The following PRKG1 variants were observed in gnomAD, a reference collection of about 807,000 sequenced individuals.
PRKG1 encodes cGMP-dependent protein kinase 1.
PRKG1 carries 35 observed loss-of-function variants against 88.1 expected under a neutral mutation model. The observed-to-expected ratio is 0.40, with a 90% confidence interval of 0.30 to 0.53. The LOEUF is 0.53. PRKG1 is among the 20% of genes least tolerant of loss of function. The pLI is 0.59. For missense variants in PRKG1, 540 were observed against 839.8 expected (o/e 0.64, Z 4.41); for synonymous variants, 303 against 292.5 (o/e 1.04, Z -0.37).
chr10:51,617,210 G>A (rs748152775), intron 3 of PRKG1, among the ~76,000 whole-genome samples: 2 of 152,110 alleles, frequency 1.3e-5, no homozygotes, highest in Non-Finnish European at 2.9e-5. Flanking sequence ...CTTGCATTGA[G>A]GAGTATCTTC....
chr10:51,993,979 T>C (rs1349615279), intron 5 of PRKG1, among the ~76,000 whole-genome samples: 1 of 152,166 alleles, frequency 6.6e-6, no homozygotes. Flanking sequence ...GAGCTAACCA[T>C]CCCAGTCTAA....
chr10:51,572,649 C>T (rs531380380), intron 3 of PRKG1, among the ~76,000 whole-genome samples: 2 of 151,794 alleles, frequency 1.3e-5, no homozygotes, highest in South Asian at 2.1e-4. Flanking sequence ...ATTCCCCAGA[C>T]CTACTGAAAC....
intron 7 of PRKG1, among the ~76,000 whole-genome samples, chr10:52,067,886 T>C (rs1846392461): frequency 6.6e-6 from 1 of 152,136 alleles, no homozygotes; most frequent in South Asian, 2.1e-4. Flanking sequence ...AATCCATCTA[T>C]ACTTTGACTT....
chr10:51,993,477 T>A (rs1264180825), intron 5 of PRKG1, among the ~76,000 whole-genome samples: 1 of 152,188 alleles, frequency 6.6e-6, no homozygotes, highest in African/African-American at 2.4e-5. Flanking sequence ...CTTATTACAA[T>A]CCTATGAGTA....
intron 10 of PRKG1, among the ~76,000 whole-genome samples, chr10:52,269,671 T>C (rs1432699601): frequency 1.3e-5 from 2 of 152,122 alleles, no homozygotes. Flanking sequence ...CCATGTTATT[T>C]CCCCAAGGTT....
At chr10:51,988,405 G>A (rs905561911) in intron 5 of PRKG1, among the ~76,000 whole-genome samples, 2 of 151,948 alleles carry the variant, frequency 1.3e-5, no homozygotes, top group Admixed American at 1.3e-4. Context: ...ATATGATTAA[G>A]TGTTGGGTTG....
chr10:51,706,417 T>C (rs554937809), intron 3 of PRKG1, among the ~76,000 whole-genome samples: 1 of 152,348 alleles, frequency 6.6e-6, no homozygotes, highest in East Asian at 1.9e-4. Context: ...CAAGTGCAGA[T>C]TACATGAATT....
intron 3 of PRKG1, among the ~76,000 whole-genome samples, chr10:51,760,231 G>A (rs186673958): frequency 8.5e-5 from 13 of 152,206 alleles, no homozygotes; most frequent in Admixed American, 4.6e-4. Context: ...GTCTTGGTAC[G>A]TTAAAATGTT....
intron 8 of PRKG1, among the ~76,000 whole-genome samples, chr10:52,150,183 A>AATAATAATTATTATTATTATT (rs1554810290): frequency 1.4e-5 from 2 of 147,976 alleles, no homozygotes; most frequent in African/African-American, 5.0e-5. Flanking sequence ...TAATAATAAT[A>AATAATAATTATTATTATTATT]ATTTGATTGG....
chr10:51,671,898 T>A lies in PRKG1; in HGVS notation c.593-132687T>A, dbSNP rs567453071. On this transcript the variant is annotated intron_variant, in intron 3 of 17. Transcript: ENST00000373980. ...GTGATAGTGAATTTACGGCCAGCTC[T>A]ACTCCAGTATGACCTTTTCTTGATT... Among the ~76,000 whole-genome samples, 3 of 152,326 alleles carry A rather than the reference T, an allele frequency of 2.0e-5. No individual in the cohort carries two copies. In the South Asian group the frequency reaches 6.2e-4, roughly 32 times the overall value.
chr10:51,651,793 G>A (rs1164432181), intron 3 of PRKG1, among the ~76,000 whole-genome samples: 4 of 151,644 alleles, frequency 2.6e-5, no homozygotes, highest in African/African-American at 7.3e-5. Context: ...CATGTTGGCC[G>A]GAATTGTCTC....
intron 1 of PRKG1, chr10:51,148,104 T>C (rs1845983214): frequency 7.7e-6 from 2 of 259,452 alleles, no homozygotes; most frequent in Admixed American, 6.5e-5. Context: ...TATTTCACAA[T>C]AGATGGATGG....
intron 3 of PRKG1, among the ~76,000 whole-genome samples, chr10:51,629,239 C>T (rs553340456): frequency 1.3e-5 from 2 of 152,056 alleles, no homozygotes; most frequent in African/African-American, 2.4e-5. Flanking sequence ...GCAGTGTTCC[C>T]CAACCTTTTT....
chr10:51,986,706 G>A (rs1844166259), intron 5 of PRKG1, among the ~76,000 whole-genome samples: 1 of 152,140 alleles, frequency 6.6e-6, no homozygotes, highest in Admixed American at 6.6e-5. Context: ...CAGGTGTTTG[G>A]GATTAGAAGT....
At chr10:51,802,980 G>C (rs905900518) in intron 3 of PRKG1, among the ~76,000 whole-genome samples, 1 of 152,076 alleles carries the variant, frequency 6.6e-6, no homozygotes, top group East Asian at 1.9e-4. Flanking sequence ...CTGTGCTCTT[G>C]TTTATGTACT....
chr10:51,727,303 T>TTC (rs1842159676), intron 3 of PRKG1, among the ~76,000 whole-genome samples: 1 of 150,292 alleles, frequency 6.7e-6, no homozygotes, highest in African/African-American at 2.4e-5. Flanking sequence ...TATATATATT[T>TTC]TTTTTACTTT....
chr10:51,453,933 G>A (rs1239625329), intron 2 of PRKG1, among the ~76,000 whole-genome samples: 3 of 152,060 alleles, frequency 2.0e-5, no homozygotes, highest in African/African-American at 2.4e-5. Flanking sequence ...CAAATCAGTA[G>A]CACTGCTATA....
intron 1 of PRKG1, among the ~76,000 whole-genome samples, chr10:51,009,523 T>C (rs1442000265): frequency 6.6e-6 from 1 of 152,184 alleles, no homozygotes; most frequent in African/African-American, 2.4e-5. Flanking sequence ...TATTTTACTA[T>C]CATACCACTG....
At chr10:51,676,177 C>T (rs1840705893) in intron 3 of PRKG1, among the ~76,000 whole-genome samples, 1 of 151,026 alleles carries the variant, frequency 6.6e-6, no homozygotes, top group African/African-American at 2.4e-5. Flanking sequence ...CAACCAGACA[C>T]ATGTGGGTCA....
Sources: gnomAD v4.1 joint callset for allele counts (sites outside exome capture counted in the v4.1 genomes callset) on GRCh38, gnomAD v4.1.1 for gene constraint, MANE v1.5 for transcripts, NCBI Gene and HGNC (gene_info 2026-07-23, HGNC 2026-07-21) for gene names.